TRDMT1: variants seen among roughly 807,000 people sequenced by gnomAD.
TRDMT1 encodes tRNA aspartic acid methyltransferase 1.
Under a neutral mutation model 51.2 loss-of-function variants are expected in TRDMT1, and 49 were observed. The observed-to-expected ratio is 0.96, with a 90% CI of 0.76 to 1.21. TRDMT1 has a LOEUF of 1.21. Ranked by LOEUF, TRDMT1 falls within the 50% of genes most tolerant of loss-of-function variation. TRDMT1 has a pLI of 0.00. For missense variants in TRDMT1, 534 were observed against 462.3 expected, an observed-to-expected ratio of 1.16 and a Z score of -1.42; for synonymous variants, 187 against 164.6, an observed-to-expected ratio of 1.14 and a Z score of -1.04.
At chr10:17,149,801 T>C (rs1379492912) in intron 10 of TRDMT1, among the ~76,000 whole-genome samples, 1 of 152,202 alleles carries the variant, frequency 6.6e-6, no homozygotes, top group African/African-American at 2.4e-5. Flanking sequence ...TGTCATAGCA[T>C]GTATTAATAC....
chr10:17,193,784 T>C (rs1380877603), intron 1 of TRDMT1, among the ~76,000 whole-genome samples: 2 of 152,194 alleles, frequency 1.3e-5, no homozygotes, highest in East Asian at 3.9e-4. Context: ...ACTAGCATCA[T>C]TTTTTCATAA....
Position 17,146,677 on chromosome 10 carries a change from A to G in TRDMT1, c.*2363T>C, listed in dbSNP as rs1018213448. 6.1e-6 allele frequency: 6 copies of G among 985,398 alleles called. 1 individual carries two copies. The African/African-American group carries it at 1.0e-4, about 17-fold the overall frequency. The allele number at this position is 985,398 out of a possible 1,614,324, so 61.0% of individuals were successfully genotyped here. ...GTATGGTGAAGACTGAATTACACAT[A>G]GTTCTCCTGAAAATGAGAAGCTATG... On this transcript the variant is annotated 3_prime_UTR_variant, in exon 11 of 11. Coordinates refer to ENST00000377799, the MANE Select transcript of TRDMT1 (RefSeq NM_004412.7).
rs151176125 is a variant in TRDMT1 at position 17,153,561 on chromosome 10, G to T, written c.1021C>A (p.Arg341=). ...GCTATTTCTTTAGGAGTGAAATATC[G>T]CAGTTTAAGTATTAACAGCTTTGTT... ...QITKLLILKL[R]YFTPKEIANL... Residue 341 remains arginine, a synonymous_variant, in exon 10 of 11, where the codon CGA becomes AGA. Transcript: ENST00000377799. 27 of 1,613,438 alleles carry T rather than the reference G, an allele frequency of 1.7e-5. No homozygotes were observed. Among genetic ancestry groups the T allele is most frequent in the South Asian group, 2.2e-5 (2 of 90,998 alleles).
chr10:17,151,040 TC>T (rs2131373037), intron 10 of TRDMT1: 1 of 962,460 alleles, frequency 1.0e-6, no homozygotes. Context: ...TGTGCATATT[TC>T]TTTAAATCTA....
rs189465863 is a variant in TRDMT1 at position 17,197,479 on chromosome 10, T to C, written c.64+4092A>G. ...ATATGCTGATAAGGATGAAAAACTT[T>C]TATTGACATATTTTTTAAATGTTCA... On this transcript the variant is annotated intron_variant, in intron 1 of 10. Coordinates refer to ENST00000377799, the MANE Select transcript of TRDMT1 (RefSeq NM_004412.7). Among the ~76,000 whole-genome samples, 1,083 of 152,360 alleles carry C rather than the reference T, an allele frequency of 7.1e-3. 6 individuals carry two copies. Among genetic ancestry groups the C allele is most frequent in the Non-Finnish European group, 0.012 (792 of 68,030 alleles).
intron 1 of TRDMT1, among the ~76,000 whole-genome samples, chr10:17,198,748 G>T (rs1340974453): frequency 1.3e-5 from 2 of 152,164 alleles, no homozygotes; most frequent in Non-Finnish European, 2.9e-5. Flanking sequence ...CATTGTGAAT[G>T]TACTTAATGC....
At chr10:17,177,455 G>C (rs750954490) in intron 1 of TRDMT1, among the ~76,000 whole-genome samples, 10 of 152,172 alleles carry the variant, frequency 6.6e-5, no homozygotes, top group Middle Eastern at 3.4e-3. Context: ...GCCTGCCTCA[G>C]CCTTCCAAAG....
chr10:17,151,147 A>G (rs562881622), intron 10 of TRDMT1: 3 of 744,780 alleles, frequency 4.0e-6, no homozygotes, highest in East Asian at 1.3e-4. Context: ...GGTTGGCACA[A>G]AAGTAATTGA....
At chr10:17,156,239 C>CTT (rs747213529) in intron 8 of TRDMT1, among the ~76,000 whole-genome samples, 2 of 143,842 alleles carry the variant, frequency 1.4e-5, no homozygotes, top group East Asian at 2.0e-4. Context: ...CAAAATTTTT[C>CTT]TTTTTTTTTT....
At chr10:17,177,924 G>GA (rs1195469001) in intron 1 of TRDMT1, among the ~76,000 whole-genome samples, 6 of 151,916 alleles carry the variant, frequency 3.9e-5, no homozygotes, top group South Asian at 2.1e-4. Context: ...ATTAATGTGG[G>GA]AAAAAAATCA....
At chr10:17,177,885 T>TA (rs1842810300) in intron 1 of TRDMT1, among the ~76,000 whole-genome samples, 1 of 151,942 alleles carries the variant, frequency 6.6e-6, no homozygotes. Flanking sequence ...ACCAAATAAA[T>TA]AAAAAAATTT....
At position 17,143,774 on chromosome 10, in the gene TRDMT1, G is replaced by T. The variant is rs73604238; in HGVS notation, c.*5266C>A. ...AACAGAAGCTGACCAATGGAATGCA[G>T]AGTGAGAAGGAAGGTGAAGATGATC... On this transcript the variant is annotated 3_prime_UTR_variant, in exon 11 of 11. Coordinates refer to ENST00000377799, the MANE Select transcript of TRDMT1 (RefSeq NM_004412.7). 0.013 allele frequency: 12,630 copies of T among 985,266 alleles called. 1,194 individuals carry two copies. In the African/African-American group the frequency reaches 0.2, roughly 16 times the overall value. The allele number at this position is 985,266 out of a possible 1,614,324, so 61.0% of individuals were successfully genotyped here.
Position 17,201,608 on chromosome 10 carries a change from T to C in TRDMT1, c.27A>G (p.Leu9=), listed in dbSNP as rs752283376. The change falls in exon 1 of 11, where the codon CTA becomes CTG. Residue 9 remains leucine, a synonymous_variant. Transcript: ENST00000377799. MEPLRVLE[L]YSGVGGMHHA... ...GGTGCATGCCGCCCACGCCGCTGTA[T>C]AGCTCCAGCACCCGCAGGGGCTCCA... 24 of 1,548,074 alleles carry C rather than the reference T, an allele frequency of 1.6e-5. No individual in the cohort carries two copies. The African/African-American group carries it at 3.3e-4, about 21-fold the overall frequency.
Position 17,147,294 on chromosome 10 carries a change from A to T in TRDMT1, c.*1746T>A, listed in dbSNP as rs560108729. ...ACACATATGAAAAATGTAGATAGTG[A>T]TAGTTTCTGTATATGGGCTGGCTTA... On this transcript the variant is annotated 3_prime_UTR_variant, in exon 11 of 11. Transcript: ENST00000377799. The T allele has an allele frequency of 6.1e-6, 6 of 985,638 alleles. No individual in the cohort carries two copies. Among genetic ancestry groups the T allele is most frequent in the Non-Finnish European group, 7.2e-6 (6 of 829,890 alleles). The allele number at this position is 985,638 out of a possible 1,614,324, so 61.1% of individuals were successfully genotyped here. A position where few individuals can be genotyped will look rare whatever the true frequency, so the allele number is the denominator to read the frequency against.
In TRDMT1 at chr10:17,137,701, C is replaced by A. The variant is rs1837456908; in HGVS notation, c.*11339G>T. ...AAAATTAGCCGGGCATGGTGGCACA[C>A]ACCTGTAGTCCCAGCTACTCAGGAG... On this transcript the variant is annotated 3_prime_UTR_variant, in exon 11 of 11. Coordinates refer to ENST00000377799, the MANE Select transcript of TRDMT1 (RefSeq NM_004412.7). The A allele has an allele frequency of 6.6e-6, 1 of 152,074 alleles. No individual in the cohort carries two copies. Among genetic ancestry groups the A allele is most frequent in the Admixed American group, 6.6e-5 (1 of 15,254 alleles). 9.4% of individuals were successfully genotyped at this position (152,074 alleles called of 1,614,324 possible).
chr10:17,199,500 A>G (rs183027265), intron 1 of TRDMT1, among the ~76,000 whole-genome samples: 1 of 152,372 alleles, frequency 6.6e-6, no homozygotes. Flanking sequence ...AAGCCTCGAC[A>G]AGAAAGGCTG....
At chr10:17,156,811 T>A (rs552366328) in intron 8 of TRDMT1, among the ~76,000 whole-genome samples, 49 of 152,298 alleles carry the variant, frequency 3.2e-4, no homozygotes, top group Non-Finnish European at 5.1e-4. Flanking sequence ...AAAATATACA[T>A]GGATACTTAA....
chr10:17,191,770 C>A (rs1844717327), intron 1 of TRDMT1, among the ~76,000 whole-genome samples: 1 of 152,130 alleles, frequency 6.6e-6, no homozygotes, highest in African/African-American at 2.4e-5. Flanking sequence ...GCTCCTTTCT[C>A]ATCCTGTCTG....
Position 17,140,458 on chromosome 10 carries a change from A to C in TRDMT1, c.*8582T>G, listed in dbSNP as rs1439025541. Among the ~76,000 whole-genome samples the C allele has an allele frequency of 6.6e-6, 1 of 152,134 alleles. No individual in the cohort carries two copies. The highest frequency in any genetic ancestry group is 1.5e-5 in the Non-Finnish European group (1 of 68,034). On this transcript the variant is annotated 3_prime_UTR_variant, in exon 11 of 11. Coordinates refer to ENST00000377799, the MANE Select transcript of TRDMT1 (RefSeq NM_004412.7). ...CAGCATACTCATATCTAAGTCAGTT[A>C]ATTGGACAATTATTTATTAGGTACC...
Sources: allele counts gnomAD v4.1 joint callset (sites outside exome capture counted in the v4.1 genomes callset), GRCh38; gene constraint gnomAD v4.1.1; transcripts MANE v1.5; gene names NCBI Gene and HGNC (gene_info 2026-07-23, HGNC 2026-07-21).